Variants in MTSS2 observed in about 807,000 individuals in gnomAD.
MTSS2 encodes the protein MTSS I-BAR domain containing 2.
Under a neutral mutation model 67.1 loss-of-function variants are expected in MTSS2, and 27 were observed. That is an observed-to-expected ratio of 0.40 (90% CI 0.30 to 0.55). The LOEUF is 0.55. Ranked by LOEUF, MTSS2 falls within the 20% of genes least tolerant of loss-of-function variation. The pLI, the probability that MTSS2 is intolerant of heterozygous loss-of-function variation, is 0.43. For synonymous variants in MTSS2, 624 were observed against 468.6 expected (o/e 1.33, Z -4.28); for missense variants, 1,171 against 1,067.8 (o/e 1.10, Z -1.35).
At chr16:70,681,100 C>T in intron 1 of MTSS2, 75 bp from the exon 2 acceptor site, 2 of 1,388,238 alleles carry the variant, frequency 1.4e-6, no homozygotes, top group East Asian at 2.4e-5. Context: ...GGGCTCCCTG[C>T]ATGCTCCATC....
rs2053234776 is a variant in MTSS2 at position 70,679,674 on chromosome 16, T to C, written c.413A>G (p.Lys138Arg). The C allele has an allele frequency of 1.9e-6, 3 of 1,611,196 alleles. No homozygotes were observed. In the South Asian group the frequency reaches 3.3e-5, roughly 18 times the overall value. The change falls in exon 6 of 15, where the codon AAG (lysine) becomes AGG (arginine). Residue 138 changes from lysine (K) to arginine (R), a missense_variant. This residue lies in a region of MTSS2 where 247 missense variants were observed against 311.8 expected (regional missense o/e 0.79). Coordinates refer to ENST00000338779, the MANE Select transcript of MTSS2 (RefSeq NM_138383.3). ...EYKRARHEIKKKSSDTLKLQK... is the reference protein window; with the variant it reads ...EYKRARHEIKRKSSDTLKLQK... Reference sequence around the variant, plus strand: ...CAGCTTCAGCGTGTCCGACGACTTCTTTTTGATCTCATGCCGGGCTCGTTT... The same window carrying C: ...CAGCTTCAGCGTGTCCGACGACTTCCTTTTGATCTCATGCCGGGCTCGTTT...
chr16:70,673,465 G>A (rs543987205), intron 11 of MTSS2, among the ~76,000 whole-genome samples: 1 of 152,162 alleles, frequency 6.6e-6, no homozygotes, highest in East Asian at 1.9e-4. Flanking sequence ...CTGGCAAAAC[G>A]AACTTTCAAG....
In MTSS2 at chr16:70,661,384, GA is replaced by G. The variant is rs772883331; in HGVS notation, c.*2292del. On this transcript the variant is annotated 3_prime_UTR_variant, in exon 15 of 15. Transcript: ENST00000338779. ...GGTTCAGATGGGACGGAGGGTGGGGGAGGGGGGGAGGGTGAGTAGGAACCAG... is the reference window on the plus strand; with the variant it reads ...GGTTCAGATGGGACGGAGGGTGGGGGGGGGGGGAGGGTGAGTAGGAACCAG... The G allele has an allele frequency of 1.3e-5, 5 of 378,582 alleles. No homozygotes were observed. Among genetic ancestry groups the G allele is most frequent in the East Asian group, 1.6e-4 (2 of 12,340 alleles). The allele number at this position is 378,582 out of a possible 1,614,324, so 23.5% of individuals were successfully genotyped here. A position where few individuals can be genotyped will look rare whatever the true frequency, so the allele number is the denominator to read the frequency against.
rs2052565056 is a variant in MTSS2, at chr16:70,663,398, G to C, written c.*279C>G. ...GGCTCTGGTGCTTATGGGTAGGGAA[G>C]AGGCAGGGCCCCAGAGGAGGAAGAG... On this transcript the variant is annotated 3_prime_UTR_variant, in exon 15 of 15. Transcript: ENST00000338779. The C allele has an allele frequency of 2.1e-6, 1 of 486,816 alleles. No homozygotes were observed. The highest frequency in any genetic ancestry group is 3.5e-6 in the Non-Finnish European group (1 of 283,942). The allele number at this position is 486,816 out of a possible 1,614,324, so 30.2% of individuals were successfully genotyped here. A position where few individuals can be genotyped will look rare whatever the true frequency, so the allele number is the denominator to read the frequency against.
In MTSS2 at chr16:70,663,603, T is replaced by G. The variant is rs2052572900; in HGVS notation, c.*74A>C. ...TCCTCTCTCCTGGCTGGGCCTTTGC[T>G]CTGAGTGCCTGCGGCTCACAGACCA... is the stretch of plus-strand genomic sequence containing the variant. On this transcript the variant is annotated 3_prime_UTR_variant, in exon 15 of 15. Transcript: ENST00000338779. 4 of 1,466,572 alleles carry G rather than the reference T, an allele frequency of 2.7e-6. No homozygotes were observed. In the South Asian group the frequency reaches 5.7e-5, roughly 21 times the overall value. The allele number at this position is 1,466,572 out of a possible 1,614,324, so 90.8% of individuals were successfully genotyped here. A position where few individuals can be genotyped will look rare whatever the true frequency, so the allele number is the denominator to read the frequency against.
In MTSS2 at chr16:70,678,382, T is replaced by C. The variant is rs190231056; in HGVS notation, c.494A>G (p.Asp165Gly). 2.6e-4 allele frequency: 423 copies of C among 1,612,400 alleles called. 3 individuals are homozygous for C. The East Asian group carries it at 8.6e-3, about 33-fold the overall frequency. ...LGKGDLQPQL[D>G]SALQDVNDMY... ...GTCGTTGACGTCCTGCAGGGCACTG[T>C]CCAGCTGGGGCTGCAGGTCTCCTTT... The change falls in exon 8 of 15, where the codon GAC becomes GGC. Residue 165 changes from aspartate (D) to glycine (G), a missense_variant. Physicochemically the swap from Asp to Gly is moderately conservative, Grantham distance 94. Coordinates refer to ENST00000338779, the MANE Select transcript of MTSS2 (RefSeq NM_138383.3).
At position 70,664,364 on chromosome 16, in the gene MTSS2, G is replaced by A. The variant is rs766073312; in HGVS notation, c.1557C>T (p.Arg519=). ...PEFDKSSTIP[R]NSNIAQNYRR... ...GGTAGTTCTGGGCGATGTTGCTGTTGCGCGGGATGGTGGATGACTTGTCAA... is the reference window on the plus strand; with the variant it reads ...GGTAGTTCTGGGCGATGTTGCTGTTACGCGGGATGGTGGATGACTTGTCAA... The change falls in exon 15 of 15, where the codon CGC becomes CGT. Residue 519 remains arginine (R), a synonymous_variant. Transcript: ENST00000338779. 6 of 1,591,208 alleles carry A rather than the reference G, an allele frequency of 3.8e-6. No individual in the cohort carries two copies. The South Asian group carries it at 6.9e-5, about 18-fold the overall frequency.
rs1193962095 is a variant in MTSS2, at chr16:70,686,029, G to GCGGCGCAGCCT, written c.-249_-239dup. 2.0e-5 allele frequency: 3 copies of GCGGCGCAGCCT among 148,078 alleles called. No individual in the cohort carries two copies. Among genetic ancestry groups the GCGGCGCAGCCT allele is most frequent in the East Asian group, 2.0e-4 (1 of 5,008 alleles). 9.2% of individuals were successfully genotyped at this position (148,078 alleles called of 1,614,324 possible). On this transcript the variant is annotated 5_prime_UTR_variant, in exon 1 of 15. Transcript: ENST00000338779. The stretch of plus-strand genomic sequence containing the variant: ...GCGGGGGGCGCGGCGCGGGCAGCTC[G>GCGGCGCAGCCT]CGGCGCAGCCTCGGCGCGGGGACTG...
intron 1 of MTSS2, among the ~76,000 whole-genome samples, chr16:70,685,119 C>A (rs1053513131): frequency 1.3e-5 from 2 of 150,102 alleles, no homozygotes; most frequent in African/African-American, 4.9e-5. Context: ...CGCCTCCTCC[C>A]AAGGTGATGA....
chr16:70,676,803 T>C, intron 10 of MTSS2, 78 bp downstream of exon 10: 1 of 1,269,490 alleles, frequency 7.9e-7, no homozygotes. Context: ...CAATTTCTGA[T>C]GCAATTTTGC....
At chr16:70,676,084 C>T (rs1167109683) in intron 10 of MTSS2, among the ~76,000 whole-genome samples, 2 of 152,254 alleles carry the variant, frequency 1.3e-5, no homozygotes, top group African/African-American at 2.4e-5. Flanking sequence ...CCTGGCTTCT[C>T]CCAAGCTCTG....
intron 10 of MTSS2, among the ~76,000 whole-genome samples, chr16:70,675,035 C>A (rs2053071232): frequency 6.6e-6 from 1 of 152,064 alleles, no homozygotes; most frequent in Non-Finnish European, 1.5e-5. Flanking sequence ...ATCACTTGAA[C>A]CTGGGAGGCG....
intron 6 of MTSS2, 65 bp from the exon 7 acceptor site, chr16:70,679,388 G>A (rs1053036893): frequency 1.6e-5 from 26 of 1,595,146 alleles, no homozygotes; most frequent in African/African-American, 8.1e-5. Context: ...GAAAGACGCC[G>A]GATGGACAGA....
At chr16:70,674,172 C>CCTTG in intron 11 of MTSS2, 134 bp downstream of exon 11, 1 of 724,926 alleles carries the variant, frequency 1.4e-6, no homozygotes, top group East Asian at 2.7e-5. Context: ...AGAATAAAGG[C>CCTTG]CTTGGGGGCC....
rs569533808 is a variant in MTSS2 at position 70,677,059 on chromosome 16, T to C, written c.733-81A>G. 3,678 of 1,078,436 alleles carry C rather than the reference T, an allele frequency of 3.4e-3. 10 individuals are homozygous for C. The highest frequency in any genetic ancestry group is 4.4e-3 in the Non-Finnish European group (3,273 of 745,876). 66.8% of individuals were successfully genotyped at this position (1,078,436 alleles called of 1,614,324 possible). ...CCAGAGGCCCCCCCCCACTCTCTAA[T>C]TGTGAACCACATCCCAGGAGAAGAC... On this transcript the variant is annotated intron_variant, in intron 9 of 14. Coordinates refer to ENST00000338779, the MANE Select transcript of MTSS2 (RefSeq NM_138383.3).
chr16:70,679,473 A>C, intron 6 of MTSS2, 150 bp from the exon 7 acceptor site: 1 of 1,232,184 alleles, frequency 8.1e-7, no homozygotes, highest in Non-Finnish European at 1.1e-6. Flanking sequence ...TTTGGGGGGA[A>C]GGGCAGCTCC....
intron 6 of MTSS2, 25 bp from the exon 7 acceptor site, chr16:70,679,348 G>A (rs1014409756): frequency 4.3e-6 from 7 of 1,613,558 alleles, no homozygotes; most frequent in Non-Finnish European, 5.9e-6. Context: ...TGGGAGGAGA[G>A]GAGGAGAGAC....
At chr16:70,684,034 C>T (rs1597831683) in intron 1 of MTSS2, among the ~76,000 whole-genome samples, 1 of 152,214 alleles carries the variant, frequency 6.6e-6, no homozygotes, top group Non-Finnish European at 1.5e-5. Flanking sequence ...ATGATCTGGG[C>T]CCACTTCCTT....
chr16:70,679,793 G>A lies in MTSS2; in HGVS notation c.375C>T (p.His125=), dbSNP rs1413631590. 6 of 1,611,160 alleles carry A rather than the reference G, an allele frequency of 3.7e-6. No individual in the cohort carries two copies. Among genetic ancestry groups the A allele is most frequent in the Non-Finnish European group, 4.2e-6 (5 of 1,179,640 alleles). The change falls in exon 5 of 15, where the codon CAC becomes CAT. Residue 125 remains histidine, a synonymous_variant. Transcript: ENST00000338779. ...KKAANQLDKD[H]AKEYKRARHE... ...GCTCCGCGCCACCCTCACCTTTCGC[G>A]TGGTCCTTGTCCAGCTGGTTGGCCG...
Sources: allele counts gnomAD v4.1 joint callset (sites outside exome capture counted in the v4.1 genomes callset), GRCh38; gene constraint gnomAD v4.1.1; regional missense constraint gnomAD v4.1.1; transcripts MANE v1.5; gene names NCBI Gene and HGNC (gene_info 2026-07-23, HGNC 2026-07-21).